TMEM120B: variants seen among roughly 807,000 people sequenced by gnomAD.
The protein encoded by TMEM120B is transmembrane protein 120B.
A neutral mutation model predicts 55.5 loss-of-function variants in TMEM120B; 31 were observed. That is an observed-to-expected ratio of 0.56 (90% CI 0.42 to 0.75). The LOEUF is 0.75. Among genes scored for constraint, TMEM120B ranks in the 30% least tolerant of loss-of-function variants. The probability of loss-of-function intolerance (pLI) is 0.00; values close to 1 mark genes in which losing one functional copy is unlikely to be tolerated. For synonymous variants in TMEM120B, 203 were observed against 176.3 expected, an observed-to-expected ratio of 1.15 and a Z score of -1.20; for missense variants, 399 against 425.5, an observed-to-expected ratio of 0.94 and a Z score of 0.55.
At chr12:121,730,927 C>G (rs952424094) in intron 1 of TMEM120B, among the ~76,000 whole-genome samples, 1 of 151,608 alleles carries the variant, frequency 6.6e-6, no homozygotes, top group African/African-American at 2.4e-5. Context: ...CACTGCACTC[C>G]AGTCTGGGTA....
rs987930566 is a variant in TMEM120B, at chr12:121,771,558, C to G, written c.679+9C>G. ...ATTTTCCATTTTTCAGAGTGAGTGACTGTTGCCTGGATTTGGGGGAAGGGA... is the reference window on the plus strand; with the variant it reads ...ATTTTCCATTTTTCAGAGTGAGTGAGTGTTGCCTGGATTTGGGGGAAGGGA... On this transcript the variant is annotated intron_variant, in intron 8 of 11. Transcript: ENST00000449592. 1.9e-6 allele frequency: 3 copies of G among 1,613,356 alleles called. No individual in the cohort carries two copies. Among genetic ancestry groups the G allele is most frequent in the Non-Finnish European group, 2.5e-6 (3 of 1,179,442 alleles).
At chr12:121,767,230 G>C (rs185031441) in intron 6 of TMEM120B, among the ~76,000 whole-genome samples, 1 of 152,106 alleles carries the variant, frequency 6.6e-6, no homozygotes, top group Middle Eastern at 3.2e-3. Context: ...GTGCGATCTC[G>C]GCTCACTGCA....
rs539994509 is a variant in TMEM120B, at chr12:121,715,945, G to C, written c.69+2981G>C. ...TCAAGATGCAAGGCTCTGGGACTCT[G>C]TATATGGTAAGTAGGATGTCCATTG... On this transcript the variant is annotated intron_variant, in intron 1 of 11. Coordinates refer to ENST00000449592, the MANE Select transcript of TMEM120B (RefSeq NM_001080825.2). Among the ~76,000 whole-genome samples the C allele has an allele frequency of 4.6e-5, 7 of 151,148 alleles. No homozygotes were observed. In the South Asian group the frequency reaches 1.5e-3, roughly 32 times the overall value.
chr12:121,779,740 G>A lies in TMEM120B; in HGVS notation c.*4018G>A, dbSNP rs1445012575. 6.7e-7 allele frequency: 1 copy of A among 1,493,696 alleles called. No homozygotes were observed. Among genetic ancestry groups the A allele is most frequent in the Non-Finnish European group, 9.2e-7 (1 of 1,086,446 alleles). 92.5% of individuals were successfully genotyped at this position (1,493,696 alleles called of 1,614,324 possible). A position where few individuals can be genotyped will look rare whatever the true frequency, so the allele number is the denominator to read the frequency against. Reference sequence around the variant, plus strand: ...GCACCACCTGGTGGGTTTGGGACTGGCTCTGAGGACTCTGCAGGGATGGAG... The same window carrying A: ...GCACCACCTGGTGGGTTTGGGACTGACTCTGAGGACTCTGCAGGGATGGAG... On this transcript the variant is annotated 3_prime_UTR_variant, in exon 12 of 12. Coordinates refer to ENST00000449592, the MANE Select transcript of TMEM120B (RefSeq NM_001080825.2).
chr12:121,760,541 C>T (rs1873643316), intron 5 of TMEM120B, among the ~76,000 whole-genome samples: 2 of 152,176 alleles, frequency 1.3e-5, no homozygotes, highest in Admixed American at 6.5e-5. Flanking sequence ...GGCATCCTTC[C>T]CTTTGCCAGT....
At chr12:121,718,454 C>A (rs998842121) in intron 1 of TMEM120B, among the ~76,000 whole-genome samples, 4 of 152,112 alleles carry the variant, frequency 2.6e-5, no homozygotes, top group Non-Finnish European at 5.9e-5. Context: ...TGCAGTGAGC[C>A]AAGATCGTGC....
At chr12:121,771,357 G>T in intron 7 of TMEM120B, 131 bp from the exon 8 acceptor site, 1 of 795,294 alleles carries the variant, frequency 1.3e-6, no homozygotes, top group African/African-American at 1.7e-5. Flanking sequence ...GGGATAGAAG[G>T]GCGGAAGTCT....
At chr12:121,736,831 C>A (rs962049893) in intron 1 of TMEM120B, among the ~76,000 whole-genome samples, 1 of 152,172 alleles carries the variant, frequency 6.6e-6, no homozygotes, top group Non-Finnish European at 1.5e-5. Context: ...AGGTGCGAGC[C>A]ACTGCACCTG....
At chr12:121,773,772 A>G (rs1874142617) in intron 9 of TMEM120B, among the ~76,000 whole-genome samples, 1 of 152,068 alleles carries the variant, frequency 6.6e-6, no homozygotes, top group Non-Finnish European at 1.5e-5. Flanking sequence ...TAGAATACAC[A>G]CACACAAATT....
At position 121,750,429 on chromosome 12, in the gene TMEM120B, A is replaced by C. The variant is rs757831329; in HGVS notation, c.355A>C (p.Asn119His). Residue 119 changes from asparagine (N) to histidine (H), a missense_variant, in exon 4 of 12, where the codon AAC becomes CAC. Physicochemically the swap from Asn to His is moderately conservative, Grantham distance 68. Coordinates refer to ENST00000449592, the MANE Select transcript of TMEM120B (RefSeq NM_001080825.2). ...CAATGTGAACGTGACCCTCCTCAGC[A>C]ACCAGGCCAAGTAAGTGTCCCCCAC... is the stretch of plus-strand genomic sequence containing the variant. The part of the protein sequence containing the change: ...LGNVNVTLLS[N>H]QAKFAYKDEY... 6.2e-7 allele frequency: 1 copy of C among 1,612,202 alleles called. No homozygotes were observed. The highest frequency in any genetic ancestry group is 8.5e-7 in the Non-Finnish European group (1 of 1,179,124).
At chr12:121,726,907 CAAAAAAAAAA>C (rs71305665) in intron 1 of TMEM120B, among the ~76,000 whole-genome samples, 1,524 of 73,622 alleles carry the variant, frequency 0.021, 18 homozygotes, top group Non-Finnish European at 0.031. Context: ...GACTCTGTCT[CAAAAAAAAAA>C]AAAAAAAAAA....
chr12:121,749,302 T>C (rs1413763369), intron 3 of TMEM120B, among the ~76,000 whole-genome samples: 1 of 152,226 alleles, frequency 6.6e-6, no homozygotes, highest in Non-Finnish European at 1.5e-5. Flanking sequence ...TACAGTGTCA[T>C]GCGTGTCTGC....
At position 121,712,768 on chromosome 12, in the gene TMEM120B, C is replaced by A. The variant is rs1894622469; in HGVS notation, c.-128C>A. The A allele has an allele frequency of 5.3e-6, 3 of 561,210 alleles. No homozygotes were observed. The highest frequency in any genetic ancestry group is 4.0e-5 in the African/African-American group (2 of 49,784). 34.8% of individuals were successfully genotyped at this position (561,210 alleles called of 1,614,324 possible). On this transcript the variant is annotated 5_prime_UTR_variant, in exon 1 of 12. The change creates a new upstream start codon in the 5' untranslated region. Coordinates refer to ENST00000449592, the MANE Select transcript of TMEM120B (RefSeq NM_001080825.2). Reference sequence around the variant, plus strand: ...CGTGACGTCAGTTGCGCGCGTGGCTCTGGCTGCGCAGGAACAGCTGGTGCC... The same window carrying A: ...CGTGACGTCAGTTGCGCGCGTGGCTATGGCTGCGCAGGAACAGCTGGTGCC...
intron 9 of TMEM120B, 103 bp downstream of exon 9, chr12:121,773,616 G>C: frequency 1.2e-6 from 1 of 847,754 alleles, no homozygotes. Context: ...AGCGGAGCCA[G>C]GCCGCTGCCC....
intron 1 of TMEM120B, among the ~76,000 whole-genome samples, chr12:121,724,071 A>C (rs541714604): frequency 9.3e-6 from 1 of 107,820 alleles, no homozygotes; most frequent in African/African-American, 3.7e-5. Flanking sequence ...GGAGTCTTGC[A>C]CTGTCACCCA....
chr12:121,774,784 C>T, intron 10 of TMEM120B, 62 bp downstream of exon 10: 1 of 1,562,718 alleles, frequency 6.4e-7, no homozygotes, highest in African/African-American at 1.4e-5. Flanking sequence ...AACAGAAGGT[C>T]TTCAGGCCTT....
At position 121,779,446 on chromosome 12, in the gene TMEM120B, A is replaced by C. The variant is rs1354869678; in HGVS notation, c.*3724A>C. On this transcript the variant is annotated 3_prime_UTR_variant, in exon 12 of 12. Coordinates refer to ENST00000449592, the MANE Select transcript of TMEM120B (RefSeq NM_001080825.2). ...GGGCAGCCTCCCTGGTGCAATCGGC[A>C]CCTGGGCCCCCGGGCCCTGTCAGTG... 41 of 1,589,116 alleles carry C rather than the reference A, an allele frequency of 2.6e-5. No homozygotes were observed. Among genetic ancestry groups the C allele is most frequent in the Non-Finnish European group, 3.3e-5 (38 of 1,169,216 alleles).
chr12:121,753,098 A>G (rs1465349177), intron 5 of TMEM120B, among the ~76,000 whole-genome samples: 1 of 150,636 alleles, frequency 6.6e-6, no homozygotes. Flanking sequence ...ACAGAGGGAG[A>G]CCTGGTCTGA....
chr12:121,772,746 A>G (rs1234862755), intron 8 of TMEM120B, among the ~76,000 whole-genome samples: 1 of 152,236 alleles, frequency 6.6e-6, no homozygotes, highest in Non-Finnish European at 1.5e-5. Flanking sequence ...AGATACTACA[A>G]CCTACATTTT....
Sources: gnomAD v4.1 joint callset for allele counts (sites outside exome capture counted in the v4.1 genomes callset) on GRCh38, gnomAD v4.1.1 for gene constraint, MANE v1.5 for transcripts, NCBI Gene and HGNC (gene_info 2026-07-23, HGNC 2026-07-21) for gene names.